The following BACH2 variants were observed in gnomAD, a reference collection of about 807,000 sequenced individuals.
BACH2 encodes BACH transcriptional regulator 2, also known as transcription regulator protein BACH2.
BACH2 carries 5 observed loss-of-function variants against 61.8 expected under a neutral mutation model. That is an observed-to-expected ratio of 0.08 (90% confidence interval 0.04 to 0.17). The LOEUF is 0.17. Ranked by LOEUF, BACH2 falls within the 10% of genes least tolerant of loss-of-function variation. The pLI is 1.00. For synonymous variants in BACH2, 446 were observed against 440.1 expected (o/e 1.01, Z -0.17); for missense variants, 824 against 1,091.1 (o/e 0.76, Z 3.45).
At chr6:90,045,173 C>T (rs1380333223) in intron 5 of BACH2, among the ~76,000 whole-genome samples, 1 of 152,178 alleles carries the variant, frequency 6.6e-6, no homozygotes, top group Non-Finnish European at 1.5e-5. Flanking sequence ...TAATTTTTTT[C>T]CATGTCTAGA....
At chr6:90,208,596 C>T (rs1769230981) in intron 3 of BACH2, among the ~76,000 whole-genome samples, 1 of 152,206 alleles carries the variant, frequency 6.6e-6, no homozygotes, top group Non-Finnish European at 1.5e-5. Flanking sequence ...CACTTCTACA[C>T]TGTTGGTGGG....
chr6:90,215,527 T>C (rs1769504249), intron 3 of BACH2, among the ~76,000 whole-genome samples: 1 of 152,028 alleles, frequency 6.6e-6, no homozygotes, highest in African/African-American at 2.4e-5. Flanking sequence ...ATTTAACCAA[T>C]ATAATACCTT....
chr6:90,156,732 A>G (rs1032123474), intron 4 of BACH2, among the ~76,000 whole-genome samples: 1 of 152,180 alleles, frequency 6.6e-6, no homozygotes, highest in Non-Finnish European at 1.5e-5. Flanking sequence ...TTTCACAGGG[A>G]CCATTCAAAG....
intron 5 of BACH2, among the ~76,000 whole-genome samples, chr6:90,041,166 C>T (rs1779514861): frequency 6.6e-6 from 1 of 152,138 alleles, no homozygotes; most frequent in African/African-American, 2.4e-5. Context: ...TCTGGTGTTT[C>T]CCTATTACTG....
At chr6:90,175,609 A>T (rs1205042390) in intron 4 of BACH2, among the ~76,000 whole-genome samples, 3 of 152,136 alleles carry the variant, frequency 2.0e-5, no homozygotes, top group African/African-American at 7.2e-5. Flanking sequence ...GGGGTTGGGA[A>T]ATCAGATCTC....
intron 5 of BACH2, among the ~76,000 whole-genome samples, chr6:90,062,483 A>G (rs1214496492): frequency 6.6e-6 from 1 of 152,166 alleles, no homozygotes; most frequent in Non-Finnish European, 1.5e-5. Context: ...AGGTCTTAGA[A>G]TGGACACCTC....
chr6:90,005,934 C>G (rs750706658), intron 6 of BACH2, among the ~76,000 whole-genome samples: 8 of 152,300 alleles, frequency 5.3e-5, no homozygotes, highest in Non-Finnish European at 8.8e-5. Flanking sequence ...AGCAAATTCT[C>G]ACTTAAATGA....
At chr6:90,078,213 T>G (rs1327958431) in intron 5 of BACH2, among the ~76,000 whole-genome samples, 1 of 152,156 alleles carries the variant, frequency 6.6e-6, no homozygotes, top group Non-Finnish European at 1.5e-5. Context: ...CCTGAAATAT[T>G]TTTTTAGCCT....
intron 5 of BACH2, among the ~76,000 whole-genome samples, chr6:90,069,329 C>T (rs1781115632): frequency 6.6e-6 from 1 of 152,182 alleles, no homozygotes; most frequent in Admixed American, 6.5e-5. Flanking sequence ...TTTATCCTCC[C>T]CTTCCCGTTG....
chr6:89,987,145 G>A (rs1270629061), intron 6 of BACH2, among the ~76,000 whole-genome samples: 3 of 152,160 alleles, frequency 2.0e-5, no homozygotes, highest in East Asian at 3.9e-4. Flanking sequence ...CTGATATTAT[G>A]TGTTAAATGC....
At position 89,991,079 on chromosome 6, in the gene BACH2, C is replaced by T. The variant is rs896531051; in HGVS notation, c.243+17523G>A. ...CTTCTAGGACTTACAATAATTTAAACTGTCTTGTTTTCTTATTTGCCCTCC... is the reference window on the plus strand; with the variant it reads ...CTTCTAGGACTTACAATAATTTAAATTGTCTTGTTTTCTTATTTGCCCTCC... On this transcript the variant is annotated intron_variant, in intron 6 of 8. Transcript: ENST00000257749. Among the ~76,000 whole-genome samples the T allele has an allele frequency of 1.1e-4, 16 of 152,346 alleles. 1 individual carries two copies. Among genetic ancestry groups the T allele is most frequent in the African/African-American group, 2.4e-4 (10 of 41,594 alleles).
chr6:89,992,878 T>C (rs756292897), intron 6 of BACH2, among the ~76,000 whole-genome samples: 13 of 152,224 alleles, frequency 8.5e-5, no homozygotes, highest in Non-Finnish European at 1.8e-4. Context: ...TTAACACATA[T>C]TGAAGCCCTA....
intron 1 of BACH2, among the ~76,000 whole-genome samples, chr6:90,283,548 T>C (rs982611643): frequency 6.6e-6 from 1 of 151,678 alleles, no homozygotes; most frequent in Non-Finnish European, 1.5e-5. Flanking sequence ...GCTAATTTTT[T>C]GTATTTTTAC....
chr6:90,197,210 C>T (rs751885378), intron 4 of BACH2, among the ~76,000 whole-genome samples: 10 of 152,054 alleles, frequency 6.6e-5, no homozygotes, highest in Non-Finnish European at 1.2e-4. Flanking sequence ...AACAGCTATA[C>T]GTTATAAGGC....
intron 4 of BACH2, among the ~76,000 whole-genome samples, chr6:90,112,777 C>A (rs2127816649): frequency 6.6e-6 from 1 of 152,226 alleles, no homozygotes; most frequent in East Asian, 1.9e-4. Flanking sequence ...TGTAAACGAG[C>A]TAAATGCCCC....
At chr6:90,260,420 A>G (rs895013952) in intron 2 of BACH2, among the ~76,000 whole-genome samples, 8 of 152,206 alleles carry the variant, frequency 5.3e-5, no homozygotes, top group Non-Finnish European at 1.0e-4. Flanking sequence ...TATATCTGAA[A>G]TGATACTAGA....
chr6:90,101,164 T>C (rs1782608715), intron 4 of BACH2, among the ~76,000 whole-genome samples: 1 of 152,232 alleles, frequency 6.6e-6, no homozygotes, highest in African/African-American at 2.4e-5. Context: ...ATACATGATT[T>C]GTAAGTATTT....
chr6:90,283,369 T>A (rs1771915884), intron 1 of BACH2, among the ~76,000 whole-genome samples: 1 of 151,778 alleles, frequency 6.6e-6, no homozygotes, highest in Non-Finnish European at 1.5e-5. Flanking sequence ...GAAAGACCCC[T>A]CATGCTTTTT....
intron 1 of BACH2, among the ~76,000 whole-genome samples, chr6:90,283,865 G>A (rs1302496290): frequency 6.6e-6 from 1 of 151,970 alleles, no homozygotes; most frequent in Admixed American, 6.5e-5. Context: ...AAAATTAGCT[G>A]GGCATGGTGG....
Sources: allele counts gnomAD v4.1 joint callset (sites outside exome capture counted in the v4.1 genomes callset), GRCh38; gene constraint gnomAD v4.1.1; transcripts MANE v1.5; gene names NCBI Gene and HGNC (gene_info 2026-07-23, HGNC 2026-07-21).